LARGE1: variants seen among roughly 807,000 people sequenced by gnomAD.
The protein encoded by LARGE1 is LARGE xylosyl- and glucuronyltransferase 1, also known as xylosyl- and glucuronyltransferase LARGE1.
Under a neutral mutation model 87.6 loss-of-function variants are expected in LARGE1, and 43 were observed. The observed-to-expected ratio is 0.49, with a 90% CI of 0.38 to 0.63. The LOEUF (loss-of-function observed/expected upper bound fraction) is 0.63. LARGE1 is among the 30% of genes least tolerant of loss of function. The pLI is 0.00. For synonymous variants in LARGE1, 434 were observed against 394.6 expected (o/e 1.10, Z -1.18); for missense variants, 802 against 1,000.2 (o/e 0.80, Z 2.67).
chr22:33,441,267 T>A (rs979560561), intron 6 of LARGE1, among the ~76,000 whole-genome samples: 1 of 151,860 alleles, frequency 6.6e-6, no homozygotes, highest in East Asian at 1.9e-4. Context: ...AGAGACGAGA[T>A]TTCATCATGT....
At chr22:33,187,577 T>C (rs1923542238) in intron 11 of LARGE1, among the ~76,000 whole-genome samples, 2 of 152,076 alleles carry the variant, frequency 1.3e-5, no homozygotes, top group Non-Finnish European at 1.5e-5. Flanking sequence ...AGATCCATTG[T>C]ACAACATGGT....
In LARGE1 at chr22:33,258,865, C is replaced by G. The variant is rs1016704061; in HGVS notation, c.1730+45364G>C. On this transcript the variant is annotated intron_variant, in intron 11 of 11. Transcript: ENST00000608642. The stretch of plus-strand genomic sequence containing the variant: ...AGCACCATGTAGGCCTTGATATAAA[C>G]TTTATGTTTCTTCTTTTTTTTTTTT... Among the ~76,000 whole-genome samples the G allele has an allele frequency of 3.4e-5, 5 of 146,404 alleles. No individual in the cohort carries two copies. The East Asian group carries it at 9.8e-4, about 29-fold the overall frequency.
intron 6 of LARGE1, among the ~76,000 whole-genome samples, chr22:33,530,530 G>A (rs552610649): frequency 7.5e-4 from 111 of 147,220 alleles, no homozygotes; most frequent in Non-Finnish European, 1.2e-3. Flanking sequence ...TTCCTGGTAA[G>A]TTAAAACGAA....
chr22:33,600,862 C>T (rs571241912), intron 5 of LARGE1, among the ~76,000 whole-genome samples: 182 of 152,176 alleles, frequency 1.2e-3, no homozygotes, highest in African/African-American at 4.3e-3. Context: ...GTCAGGCGTT[C>T]GAGACCAACC....
intron 10 of LARGE1, among the ~76,000 whole-genome samples, chr22:33,329,132 C>G (rs1937489450): frequency 6.6e-6 from 1 of 152,146 alleles, no homozygotes; most frequent in African/African-American, 2.4e-5. Context: ...TCCCTGCTAT[C>G]ACTAGGAGGC....
At chr22:33,539,810 G>C (rs1391627950) in intron 6 of LARGE1, among the ~76,000 whole-genome samples, 1 of 151,962 alleles carries the variant, frequency 6.6e-6, no homozygotes, top group African/African-American at 2.4e-5. Flanking sequence ...AAATTCCTAG[G>C]CTCAAATGAT....
At chr22:33,173,494 T>C (rs1922691455) in intron 11 of LARGE1, among the ~76,000 whole-genome samples, 1 of 152,058 alleles carries the variant, frequency 6.6e-6, no homozygotes, top group South Asian at 2.1e-4. Flanking sequence ...CATAGCAATA[T>C]TAACCTTAAA....
chr22:33,372,443 C>G (rs1321294464), intron 9 of LARGE1, among the ~76,000 whole-genome samples: 2 of 152,184 alleles, frequency 1.3e-5, no homozygotes. Flanking sequence ...GTTTAAGGGA[C>G]TCACAGTTCC....
At chr22:33,876,171 A>G (rs1407927686) in intron 1 of LARGE1, among the ~76,000 whole-genome samples, 1 of 152,166 alleles carries the variant, frequency 6.6e-6, no homozygotes, top group Non-Finnish European at 1.5e-5. Flanking sequence ...ACAGTTTATC[A>G]TCTGTACCAT....
At chr22:33,150,714 T>C in the LARGE1 span, among the ~76,000 whole-genome samples, 2 of 152,214 alleles carry the variant, frequency 1.3e-5, no homozygotes, top group Non-Finnish European at 1.5e-5. Flanking sequence ...ATTATTTCTC[T>C]ACTAAATTGT....
intron 6 of LARGE1, among the ~76,000 whole-genome samples, chr22:33,458,665 T>A (rs996493162): frequency 6.6e-6 from 1 of 151,956 alleles, no homozygotes; most frequent in African/African-American, 2.4e-5. Context: ...TGATCTCGGG[T>A]GATCCGCCCA....
intron 1 of LARGE1, among the ~76,000 whole-genome samples, chr22:33,815,394 A>T (rs1319211568): frequency 6.6e-6 from 1 of 152,104 alleles, no homozygotes. Flanking sequence ...CTTCATGCAA[A>T]CCTCATTAAG....
the LARGE1 span, among the ~76,000 whole-genome samples, chr22:33,096,181 C>T: frequency 2.0e-5 from 3 of 151,978 alleles, no homozygotes; most frequent in African/African-American, 2.4e-5. Context: ...TTTGGGAGGC[C>T]GAGGCGGGTG....
intron 12 of LARGE1, 99 bp downstream of exon 12, chr22:33,304,130 C>A: frequency 7.3e-7 from 1 of 1,371,580 alleles, no homozygotes; most frequent in Non-Finnish European, 1.0e-6. Context: ...GAAAAGAAAC[C>A]TGTTGGACTA....
At chr22:33,730,114 C>T (rs571935955) in intron 2 of LARGE1, among the ~76,000 whole-genome samples, 51 of 152,230 alleles carry the variant, frequency 3.4e-4, no homozygotes, top group African/African-American at 1.1e-3. Flanking sequence ...CTTGCCTCTG[C>T]CACCCCTGAG....
intron 11 of LARGE1, among the ~76,000 whole-genome samples, chr22:33,247,808 T>C (rs1926834632): frequency 6.6e-6 from 1 of 152,216 alleles, no homozygotes; most frequent in Non-Finnish European, 1.5e-5. Flanking sequence ...ATTATCAAGC[T>C]AGACATAGAT....
intron 11 of LARGE1, among the ~76,000 whole-genome samples, chr22:33,232,209 C>T (rs1926042625): frequency 6.6e-6 from 1 of 152,226 alleles, no homozygotes; most frequent in Non-Finnish European, 1.5e-5. Context: ...GCCTGCAAAA[C>T]AGATTGCTCC....
rs56832457 is a variant in LARGE1, at chr22:33,762,213, C to CAAAAAA, written c.-82-661_-82-656dup. On this transcript the variant is annotated intron_variant, in intron 1 of 14. Transcript: ENST00000397394. ...AGGGAGACAGAGCGAGATTCTATCT[C>CAAAAAA]AAAAAAAAAAAAAAAAAAAAAAAAA... Among the ~76,000 whole-genome samples the CAAAAAA allele has an allele frequency of 3.3e-4, 28 of 84,470 alleles. 1 individual carries two copies. Among genetic ancestry groups the CAAAAAA allele is most frequent in the East Asian group, 7.9e-4 (2 of 2,546 alleles). 55.4% of individuals were successfully genotyped at this position (84,470 alleles called of 152,430 possible). A position where few individuals can be genotyped will look rare whatever the true frequency, so the allele number is the denominator to read the frequency against.
At chr22:33,246,879 G>C (rs898315745) in intron 11 of LARGE1, among the ~76,000 whole-genome samples, 1 of 152,172 alleles carries the variant, frequency 6.6e-6, no homozygotes, top group African/African-American at 2.4e-5. Context: ...TGTGAGCCAT[G>C]AGAAGAACAG....
Sources: allele counts gnomAD v4.1 joint callset (sites outside exome capture counted in the v4.1 genomes callset), GRCh38; gene constraint gnomAD v4.1.1; transcripts MANE v1.5; gene names NCBI Gene and HGNC (gene_info 2026-07-23, HGNC 2026-07-21).